The following UNC5C variants were observed in gnomAD, a reference collection of about 807,000 sequenced individuals.
UNC5C encodes netrin receptor UNC5C.
Under a neutral mutation model 99.8 loss-of-function variants are expected in UNC5C, and 47 were observed. The ratio of observed to expected loss-of-function variants is 0.47; its 90% confidence interval spans 0.37 to 0.60. The LOEUF (loss-of-function observed/expected upper bound fraction) is 0.60. UNC5C is among the 20% of genes least tolerant of loss of function. The probability of loss-of-function intolerance (pLI) is 0.00; values close to 1 mark genes in which losing one functional copy is unlikely to be tolerated. For synonymous variants in UNC5C, 487 were observed against 452.2 expected (o/e 1.08, Z -0.98); for missense variants, 1,062 against 1,165.9 (o/e 0.91, Z 1.30).
chr4:95,227,435 G>C (rs1314422184), intron 7 of UNC5C, among the ~76,000 whole-genome samples: 1 of 152,128 alleles, frequency 6.6e-6, no homozygotes, highest in African/African-American at 2.4e-5. Flanking sequence ...TTACAGGTGT[G>C]AGCCATCGCA....
intron 12 of UNC5C, among the ~76,000 whole-genome samples, chr4:95,198,249 A>AAAGT (rs1296950054): frequency 2.0e-5 from 3 of 151,938 alleles, no homozygotes; most frequent in South Asian, 2.1e-4. Context: ...TTGGCCTCCC[A>AAAGT]AAGTGCTGGG....
intron 15 of UNC5C, among the ~76,000 whole-genome samples, chr4:95,169,818 TAATC>T (rs1736016693): frequency 6.6e-6 from 1 of 152,146 alleles, no homozygotes; most frequent in African/African-American, 2.4e-5. Context: ...TGCTAATTAT[TAATC>T]AAACATTAGG....
chr4:95,188,648 C>A (rs1736934002), intron 12 of UNC5C, among the ~76,000 whole-genome samples: 1 of 152,196 alleles, frequency 6.6e-6, no homozygotes, highest in Admixed American at 6.5e-5. Flanking sequence ...CGCACATGAT[C>A]TCATTTTGGT....
intron 1 of UNC5C, among the ~76,000 whole-genome samples, chr4:95,529,342 ATG>A (rs1020345268): frequency 1.8e-3 from 265 of 147,990 alleles, no homozygotes; most frequent in African/African-American, 6.3e-3. Context: ...ATATGTATAT[ATG>A]TGTATATATA....
At chr4:95,247,816 T>C (rs1234660225) in intron 5 of UNC5C, 1 of 152,258 alleles carries the variant, frequency 6.6e-6, no homozygotes, top group East Asian at 1.9e-4. Flanking sequence ...ATTAAACATC[T>C]ATATAATACA....
intron 1 of UNC5C, among the ~76,000 whole-genome samples, chr4:95,429,291 A>C (rs13102794): frequency 6.7e-5 from 9 of 135,084 alleles, no homozygotes; most frequent in East Asian, 3.5e-4. Flanking sequence ...AAAAAAAAAA[A>C]AAAAAACAAA....
At chr4:95,450,459 G>A (rs1281715894) in intron 1 of UNC5C, among the ~76,000 whole-genome samples, 1 of 152,186 alleles carries the variant, frequency 6.6e-6, no homozygotes, top group East Asian at 1.9e-4. Context: ...TTCTGGTGTG[G>A]CTTCCCAAAG....
At chr4:95,540,841 GTTTGAT>G (rs1722900253) in intron 1 of UNC5C, among the ~76,000 whole-genome samples, 1 of 152,000 alleles carries the variant, frequency 6.6e-6, no homozygotes, top group South Asian at 2.1e-4. Flanking sequence ...TTGGTTACTT[GTTTGAT>G]TTTGATTAGT....
intron 1 of UNC5C, among the ~76,000 whole-genome samples, chr4:95,391,031 G>A (rs1162220872): frequency 1.3e-5 from 2 of 152,170 alleles, no homozygotes; most frequent in Non-Finnish European, 2.9e-5. Context: ...TTAGGATAGT[G>A]AATAAGTCTC....
At chr4:95,522,503 T>C (rs1376716691) in intron 1 of UNC5C, among the ~76,000 whole-genome samples, 1 of 151,744 alleles carries the variant, frequency 6.6e-6, no homozygotes, top group Non-Finnish European at 1.5e-5. Context: ...AGAGGTTATA[T>C]TAAAATTTTA....
chr4:95,477,251 T>A (rs1342440974), intron 1 of UNC5C, among the ~76,000 whole-genome samples: 2 of 152,000 alleles, frequency 1.3e-5, no homozygotes, highest in African/African-American at 4.8e-5. Flanking sequence ...CATATATATA[T>A]ATAGGCAGGC....
intron 1 of UNC5C, among the ~76,000 whole-genome samples, chr4:95,372,090 C>T (rs568102983): frequency 6.6e-6 from 1 of 152,094 alleles, no homozygotes; most frequent in Admixed American, 6.6e-5. Flanking sequence ...ACCCTAGACA[C>T]CCATGCCTGT....
intron 2 of UNC5C, among the ~76,000 whole-genome samples, chr4:95,308,518 T>A (rs1579313407): frequency 6.6e-6 from 1 of 151,764 alleles, no homozygotes; most frequent in Non-Finnish European, 1.5e-5. Flanking sequence ...TTTGGGAGGC[T>A]GAGGCGGGCA....
chr4:95,478,670 A>G (rs1721036224), intron 1 of UNC5C, among the ~76,000 whole-genome samples: 1 of 151,972 alleles, frequency 6.6e-6, no homozygotes, highest in Non-Finnish European at 1.5e-5. Context: ...TTTGTTTTTT[A>G]ACTCTGTCAA....
At chr4:95,404,770 C>T (rs1745789416) in intron 1 of UNC5C, among the ~76,000 whole-genome samples, 1 of 152,148 alleles carries the variant, frequency 6.6e-6, no homozygotes, top group Non-Finnish European at 1.5e-5. Context: ...GCCCACCATG[C>T]CCTCTATCCT....
chr4:95,285,363 T>C (rs4362830), intron 3 of UNC5C, among the ~76,000 whole-genome samples: 100,566 of 152,046 alleles, frequency 0.66, 34,311 homozygotes, highest in African/African-American at 0.84. Flanking sequence ...ATAAATGATA[T>C]GTTACATTAT....
At chr4:95,481,189 A>T (rs1226903278) in intron 1 of UNC5C, among the ~76,000 whole-genome samples, 1 of 151,992 alleles carries the variant, frequency 6.6e-6, no homozygotes. Flanking sequence ...ATGTACAAAA[A>T]TCACAAGCAT....
intron 1 of UNC5C, among the ~76,000 whole-genome samples, chr4:95,436,008 C>T (rs1746774277): frequency 6.6e-6 from 1 of 151,946 alleles, no homozygotes; most frequent in Non-Finnish European, 1.5e-5. Flanking sequence ...ACTGATTGGA[C>T]AATTTCCTGT....
chr4:95,416,465 G>A (rs565563208), intron 1 of UNC5C, among the ~76,000 whole-genome samples: 5 of 152,150 alleles, frequency 3.3e-5, no homozygotes, highest in South Asian at 2.1e-4. Flanking sequence ...AAAAGTGAGG[G>A]GAGAAGGGTG....
Sources: gnomAD v4.1 joint callset for allele counts (sites outside exome capture counted in the v4.1 genomes callset) on GRCh38, gnomAD v4.1.1 for gene constraint, MANE v1.5 for transcripts, NCBI Gene and HGNC (gene_info 2026-07-23, HGNC 2026-07-21) for gene names.